WASF3: variants seen among roughly 807,000 people sequenced by gnomAD.
The protein encoded by WASF3 is actin-binding protein WASF3.
A neutral mutation model predicts 46.6 loss-of-function variants in WASF3; 11 were observed. The ratio of observed to expected loss-of-function variants is 0.24; its 90% CI spans 0.15 to 0.39. The LOEUF is 0.39. WASF3 is among the 10% of genes least tolerant of loss of function. WASF3 has a pLI of 1.00. For synonymous variants in WASF3, 242 were observed against 259.7 expected (o/e 0.93, Z 0.65); for missense variants, 576 against 669.8 (o/e 0.86, Z 1.55).
intron 1 of WASF3, among the ~76,000 whole-genome samples, chr13:26,565,263 A>G (rs1379683746): frequency 1.3e-5 from 2 of 151,990 alleles, no homozygotes; most frequent in Non-Finnish European, 2.9e-5. Flanking sequence ...CACGGGAGAA[A>G]CTCTAGTACA....
At chr13:26,673,970 A>G (rs1882991696) in intron 6 of WASF3, among the ~76,000 whole-genome samples, 2 of 152,004 alleles carry the variant, frequency 1.3e-5, no homozygotes, top group South Asian at 2.1e-4. Context: ...GGGAGGCTGG[A>G]GAGGTGTGGG....
intron 3 of WASF3, among the ~76,000 whole-genome samples, chr13:26,646,476 A>G (rs1014044032): frequency 1.3e-5 from 2 of 152,128 alleles, no homozygotes; most frequent in African/African-American, 4.8e-5. Context: ...GTGGGTCCAA[A>G]TGAGAATGGA....
Position 26,682,616 on chromosome 13 carries a change from A to C in WASF3, c.993A>C (p.Pro331=). 1 of 1,614,112 alleles carries C rather than the reference A, an allele frequency of 6.2e-7. No individual in the cohort carries two copies. The highest frequency in any genetic ancestry group is 8.5e-7 in the Non-Finnish European group (1 of 1,180,030). Residue 331 remains proline (P), a synonymous_variant, in exon 9 of 10, where the codon CCA becomes CCC. Transcript: ENST00000335327. This position sits in a 1 kb window ranked among gnomAD's most constrained non-coding sequence, Gnocchi z 4.4. ...CTCATATCTCTCTCAGGATGCTCCC[A>C]GCGCAGATAATTGAGTATTACAACC... ...PMAPADYGML[P]AQIIEYYNPS...
At chr13:26,658,739 A>G (rs1434858231) in intron 3 of WASF3, among the ~76,000 whole-genome samples, 4 of 152,158 alleles carry the variant, frequency 2.6e-5, no homozygotes, top group African/African-American at 9.7e-5. Context: ...ACTCTCCTAG[A>G]GCTTAGATGA....
chr13:26,680,433 A>G (rs1399150244), intron 7 of WASF3, among the ~76,000 whole-genome samples: 1 of 152,178 alleles, frequency 6.6e-6, no homozygotes, highest in Non-Finnish European at 1.5e-5. Context: ...GCTCTGCTCC[A>G]CTAATCCAAG....
chr13:26,605,288 C>A (rs1880759570), intron 1 of WASF3, among the ~76,000 whole-genome samples: 1 of 152,198 alleles, frequency 6.6e-6, no homozygotes, highest in South Asian at 2.1e-4. Flanking sequence ...CTTGTTTTAT[C>A]ATGAGAAAGT....
chr13:26,680,304 G>A, intron 7 of WASF3: 1 of 1,335,754 alleles, frequency 7.5e-7, no homozygotes, highest in Non-Finnish European at 9.9e-7. Flanking sequence ...CCTGTAACCT[G>A]AGCCAGGAGC....
chr13:26,574,660 G>A lies in WASF3; in HGVS notation c.-109+16841G>A, dbSNP rs184999120. On this transcript the variant is annotated intron_variant, in intron 1 of 9. Transcript: ENST00000335327. The stretch of plus-strand genomic sequence containing the variant: ...ATTAATTGTTATAACTGATAGGTTT[G>A]TTCTCAGTTCTGTCATTGTGTTAAA... Among the ~76,000 whole-genome samples, 21 of 152,152 alleles carry A rather than the reference G, an allele frequency of 1.4e-4. No homozygotes were observed. The East Asian group carries it at 4.1e-3, about 29-fold the overall frequency.
intron 2 of WASF3, among the ~76,000 whole-genome samples, chr13:26,629,924 C>T (rs1006833973): frequency 6.6e-6 from 1 of 152,064 alleles, no homozygotes; most frequent in Non-Finnish European, 1.5e-5. Flanking sequence ...AGGGCCTTGC[C>T]TTTGATTCTC....
At chr13:26,675,118 T>C (rs549939085) in intron 6 of WASF3, among the ~76,000 whole-genome samples, 4 of 152,264 alleles carry the variant, frequency 2.6e-5, no homozygotes, top group African/African-American at 4.8e-5. Context: ...TTCTCACTTG[T>C]GTCCCTATCT....
the WASF3 span, among the ~76,000 whole-genome samples, chr13:26,543,151 G>A: frequency 7.9e-5 from 12 of 152,244 alleles, no homozygotes; most frequent in African/African-American, 2.6e-4. Context: ...GAGGTGGTGG[G>A]GACGTGGAGG....
At chr13:26,555,602 C>T (rs1879080481), upstream of WASF3, among the ~76,000 whole-genome samples, 2 of 152,138 alleles carry the variant, frequency 1.3e-5, no homozygotes, top group South Asian at 2.1e-4. Context: ...ACCCATCCCC[C>T]TACCATTTTC....
rs148213649 is a variant in WASF3 at position 26,606,219 on chromosome 13, C to T, written c.-108-6742C>T. Among the ~76,000 whole-genome samples the T allele has an allele frequency of 3.4e-3, 519 of 152,284 alleles. 4 individuals carry two copies. The highest frequency in any genetic ancestry group is 0.012 in the African/African-American group (497 of 41,552). ...TAAACTGCTCAGAGTTTTCTGTAGC[C>T]TCACAGGAGACAGACAGGTGGATAC... On this transcript the variant is annotated intron_variant, in intron 1 of 9. Transcript: ENST00000335327.
chr13:26,631,523 T>G (rs1056779947), intron 2 of WASF3, among the ~76,000 whole-genome samples: 12 of 152,192 alleles, frequency 7.9e-5, no homozygotes, highest in African/African-American at 2.9e-4. Flanking sequence ...TCGGTTCCAT[T>G]GGTCTATATC....
Position 26,679,379 on chromosome 13 carries a change from G to A in WASF3, c.717-1675G>A, listed in dbSNP as rs73170108. ...GCACCCTTCATCAGGGTTCTGCCCT[G>A]TAGAAATCTCTGGTTTCTACTTCAG... On this transcript the variant is annotated intron_variant, in intron 7 of 9. Coordinates refer to ENST00000335327, the MANE Select transcript of WASF3 (RefSeq NM_006646.6). This position sits in a 1 kb window ranked among gnomAD's most constrained non-coding sequence, Gnocchi z 4.8. 8.9e-3 allele frequency among the ~76,000 whole-genome samples: 1,357 copies of A among 152,256 alleles called. 10 individuals are homozygous for A. The highest frequency in any genetic ancestry group is 0.017 in the Middle Eastern group (5 of 294).
intron 6 of WASF3, among the ~76,000 whole-genome samples, chr13:26,675,142 T>C (rs569526032): frequency 6.6e-6 from 1 of 152,230 alleles, no homozygotes; most frequent in Non-Finnish European, 1.5e-5. Context: ...CTCTTTTAAT[T>C]TGTTTTCTGT....
At chr13:26,552,234 A>G in the WASF3 span, among the ~76,000 whole-genome samples, 1 of 152,212 alleles carries the variant, frequency 6.6e-6, no homozygotes, top group African/African-American at 2.4e-5. Context: ...TGGGCAACAG[A>G]CCACATATCC....
At chr13:26,603,282 A>G (rs1880696208) in intron 1 of WASF3, among the ~76,000 whole-genome samples, 1 of 152,186 alleles carries the variant, frequency 6.6e-6, no homozygotes, top group Non-Finnish European at 1.5e-5. Flanking sequence ...CAGATTAGAA[A>G]ATCTGGTTTC....
At chr13:26,574,082 C>T (rs1324399908) in intron 1 of WASF3, among the ~76,000 whole-genome samples, 1 of 152,122 alleles carries the variant, frequency 6.6e-6, no homozygotes, top group East Asian at 1.9e-4. Flanking sequence ...TTTGTTTTTG[C>T]ACTGTGATCA....
Sources: allele counts gnomAD v4.1 joint callset (sites outside exome capture counted in the v4.1 genomes callset), GRCh38; gene constraint gnomAD v4.1.1; non-coding constraint Gnocchi (gnomAD v3.1); transcripts MANE v1.5; gene names NCBI Gene and HGNC (gene_info 2026-07-23, HGNC 2026-07-21).